SENP5: variants seen among roughly 807,000 people sequenced by gnomAD.
SENP5 encodes sentrin-specific protease 5.
In SENP5, 21 loss-of-function variants were observed where a neutral mutation model predicts 74.2. The ratio of observed to expected loss-of-function variants is 0.28; its 90% CI spans 0.20 to 0.41. The LOEUF (loss-of-function observed/expected upper bound fraction) is 0.41, where lower values mean the gene tolerates loss of function less well. Ranked by LOEUF, SENP5 falls within the 10% of genes least tolerant of loss-of-function variation. The pLI is 1.00. For missense variants in SENP5, 717 were observed against 889.1 expected (o/e 0.81, Z 2.46); for synonymous variants, 311 against 312.7 (o/e 0.99, Z 0.06).
At chr3:196,914,239 T>G (rs1560156648) in intron 6 of SENP5, 1 of 152,172 alleles carries the variant, frequency 6.6e-6, no homozygotes, top group Non-Finnish European at 1.5e-5. Context: ...CAGATGTAGA[T>G]AATACCCAAG....
intron 1 of SENP5, among the ~76,000 whole-genome samples, chr3:196,872,812 A>G (rs1398624059): frequency 6.6e-6 from 1 of 152,240 alleles, no homozygotes; most frequent in Non-Finnish European, 1.5e-5. Flanking sequence ...GAGCAGATAT[A>G]GAATATTTCT....
In SENP5 at chr3:196,893,869, C is replaced by G. The variant is rs184983127; in HGVS notation, c.1514-5797C>G. ...AGGTTGCAGTGAGTTGAGATCGCAC[C>G]ACTGCACTCCAGCCTGGGTGACAGA... On this transcript the variant is annotated intron_variant, in intron 2 of 9. Coordinates refer to ENST00000323460, the MANE Select transcript of SENP5 (RefSeq NM_152699.5). Among the ~76,000 whole-genome samples the G allele has an allele frequency of 1.6e-3, 233 of 148,354 alleles. 1 individual carries two copies. Among genetic ancestry groups the G allele is most frequent in the Non-Finnish European group, 2.5e-3 (172 of 67,644 alleles).
At chr3:196,891,130 A>G (rs1714182357) in intron 2 of SENP5, among the ~76,000 whole-genome samples, 1 of 152,236 alleles carries the variant, frequency 6.6e-6, no homozygotes, top group Non-Finnish European at 1.5e-5. Flanking sequence ...AGGAATAAAC[A>G]CCGATATATA....
intron 7 of SENP5, 92 bp from the exon 8 acceptor site, chr3:196,927,704 C>T (rs1715865717): frequency 1.4e-6 from 1 of 710,366 alleles, no homozygotes; most frequent in Admixed American, 2.3e-5. Flanking sequence ...GGGGCCACAG[C>T]CTCCTCCTTT....
In SENP5 at chr3:196,868,010, G is replaced by C. The variant is rs1713003475; in HGVS notation, c.-95G>C. 6.6e-6 allele frequency: 1 copy of C among 152,168 alleles called. No homozygotes were observed. Among genetic ancestry groups the C allele is most frequent in the Non-Finnish European group, 1.5e-5 (1 of 68,030 alleles). 9.4% of individuals were successfully genotyped at this position (152,168 alleles called of 1,614,324 possible). A position where few individuals can be genotyped will look rare whatever the true frequency, so the allele number is the denominator to read the frequency against. ...CTTGGAGCTGACGAAGGCGGGGTCC[G>C]CGGTCCAGGCTGCTGCCGCGACGGG... On this transcript the variant is annotated 5_prime_UTR_variant, in exon 1 of 10. Transcript: ENST00000323460.
At chr3:196,889,323 G>T (rs1714109720) in intron 2 of SENP5, among the ~76,000 whole-genome samples, 1 of 152,052 alleles carries the variant, frequency 6.6e-6, no homozygotes, top group African/African-American at 2.4e-5. Flanking sequence ...ACAAATGCCA[G>T]TTAACCTTTA....
intron 2 of SENP5, among the ~76,000 whole-genome samples, chr3:196,889,701 A>C (rs560882574): frequency 1.3e-5 from 2 of 152,220 alleles, no homozygotes; most frequent in Non-Finnish European, 1.5e-5. Context: ...TTAAAAACAC[A>C]TGTGTCTTCA....
rs71161976 is a variant in SENP5 at position 196,933,020 on chromosome 3, G to GTTTTTTTTTTTTTTTTT, written c.*2112_*2113insTTTTTTTTTTTTTTTTT. ...ACTAAATGTTGAGTTTGGGTTTTTT[G>GTTTTTTTTTTTTTTTTT]TTTTTTTTTTTTTTTGAGTCAGAGT... is the stretch of plus-strand genomic sequence containing the variant. On this transcript the variant is annotated 3_prime_UTR_variant, in exon 10 of 10. Transcript: ENST00000323460. 4.1e-5 allele frequency: 5 copies of GTTTTTTTTTTTTTTTTT among 121,128 alleles called. No individual in the cohort carries two copies. Among genetic ancestry groups the GTTTTTTTTTTTTTTTTT allele is most frequent in the Admixed American group, 9.5e-5 (1 of 10,526 alleles). The allele number at this position is 121,128 out of a possible 1,614,324, so 7.5% of individuals were successfully genotyped here. A position where few individuals can be genotyped will look rare whatever the true frequency, so the allele number is the denominator to read the frequency against.
intron 6 of SENP5, among the ~76,000 whole-genome samples, chr3:196,917,864 A>G (rs1316598442): frequency 6.6e-6 from 1 of 152,202 alleles, no homozygotes; most frequent in Non-Finnish European, 1.5e-5. Flanking sequence ...AAATCATCCA[A>G]AGGTACAAAA....
intron 6 of SENP5, among the ~76,000 whole-genome samples, chr3:196,912,449 A>G (rs1196641730): frequency 6.6e-6 from 1 of 152,176 alleles, no homozygotes; most frequent in East Asian, 1.9e-4. Context: ...GAGGGAGAGC[A>G]TTAGGACAAA....
intron 6 of SENP5, chr3:196,914,586 A>AAAAAAAAAAAAAAAAAAAATATATATAT: frequency 3.0e-5 from 1 of 33,510 alleles, no homozygotes; most frequent in Non-Finnish European, 5.1e-5. Context: ...AAAAAAAAAA[A>AAAAAAAAAAAAAAAAAAAATATATATAT]ATATATATAT....
chr3:196,886,211 T>G lies in SENP5; in HGVS notation c.1030T>G (p.Phe344Val). 6.2e-7 allele frequency: 1 copy of G among 1,614,180 alleles called. No individual in the cohort carries two copies. Among genetic ancestry groups the G allele is most frequent in the Non-Finnish European group, 8.5e-7 (1 of 1,180,022 alleles). The change falls in exon 2 of 10, where the codon TTC (phenylalanine) becomes GTC (valine). Residue 344 changes from phenylalanine to valine, a missense_variant. Physicochemically the swap from Phe to Val is conservative, Grantham distance 50. Around this residue, in one of 4 missense-constraint regions of SENP5, gnomAD observed 567 missense variants for 577.4 expected, o/e 0.98. Transcript: ENST00000323460. ...LGKELSLDEA[F>V]PDQQNGSATN... ...CAAGGAGCTTAGTTTAGACGAAGCA[T>G]TCCCTGACCAACAGAATGGCAGTGC...
intron 2 of SENP5, among the ~76,000 whole-genome samples, chr3:196,898,130 A>G (rs1714526374): frequency 6.6e-6 from 1 of 150,972 alleles, no homozygotes; most frequent in African/African-American, 2.4e-5. Flanking sequence ...GTGAGCCGAA[A>G]TCGCACCATT....
intron 1 of SENP5, among the ~76,000 whole-genome samples, chr3:196,884,779 TCTC>T (rs944465353): frequency 6.6e-6 from 1 of 151,808 alleles, no homozygotes; most frequent in African/African-American, 2.4e-5. Flanking sequence ...TTCAAGCAAT[TCTC>T]CTGCCTCAGC....
At chr3:196,921,079 T>C (rs1715603382) in intron 6 of SENP5, among the ~76,000 whole-genome samples, 1 of 152,224 alleles carries the variant, frequency 6.6e-6, no homozygotes, top group Non-Finnish European at 1.5e-5. Flanking sequence ...TTCAAAATGC[T>C]TGGGACTAGA....
intron 6 of SENP5, chr3:196,914,605 A>ATG (rs1553825412): frequency 1.4e-3 from 175 of 122,468 alleles, no homozygotes; most frequent in African/African-American, 5.4e-3. Flanking sequence ...ATATATATAT[A>ATG]TATATATGTC....
At chr3:196,879,919 C>T (rs974793093) in intron 1 of SENP5, among the ~76,000 whole-genome samples, 1 of 152,120 alleles carries the variant, frequency 6.6e-6, no homozygotes, top group Non-Finnish European at 1.5e-5. Context: ...TATGCTTCAC[C>T]TAGCTTTGCT....
chr3:196,905,534 C>G (rs1714867475), intron 6 of SENP5, among the ~76,000 whole-genome samples: 1 of 152,114 alleles, frequency 6.6e-6, no homozygotes, highest in South Asian at 2.1e-4. Flanking sequence ...GATTAATTTG[C>G]CGGAGCGGTT....
chr3:196,910,110 A>G (rs548360907), intron 6 of SENP5, among the ~76,000 whole-genome samples: 2 of 152,190 alleles, frequency 1.3e-5, no homozygotes, highest in East Asian at 3.9e-4. Context: ...CCAGCAATGG[A>G]CAAGCAGAGA....
Sources: gnomAD v4.1 joint callset for allele counts (sites outside exome capture counted in the v4.1 genomes callset) on GRCh38, gnomAD v4.1.1 for gene constraint, gnomAD v4.1.1 regional missense constraint, MANE v1.5 for transcripts, NCBI Gene and HGNC (gene_info 2026-07-23, HGNC 2026-07-21) for gene names.